SAMD4A: variants seen among roughly 807,000 people sequenced by gnomAD.
SAMD4A encodes sterile alpha motif domain containing 4A, also known as protein Smaug homolog 1.
Under a neutral mutation model 81.3 loss-of-function variants are expected in SAMD4A, and 33 were observed. The observed-to-expected ratio is 0.41, with a 90% CI of 0.31 to 0.54. The LOEUF is 0.54. Among genes scored for constraint, SAMD4A ranks in the 20% least tolerant of loss-of-function variants. The probability of loss-of-function intolerance (pLI) is 0.37; values close to 1 mark genes in which losing one functional copy is unlikely to be tolerated. For missense variants in SAMD4A, 854 were observed against 951.1 expected (o/e 0.90, Z 1.34); for synonymous variants, 389 against 382.1 (o/e 1.02, Z -0.21).
At chr14:54,681,173 C>A (rs1031615579) in intron 2 of SAMD4A, among the ~76,000 whole-genome samples, 1 of 147,736 alleles carries the variant, frequency 6.8e-6, no homozygotes, top group African/African-American at 2.5e-5. Flanking sequence ...AAAGACCCCC[C>A]CTCCAGCCCC....
intron 7 of SAMD4A, among the ~76,000 whole-genome samples, chr14:54,761,672 A>T (rs1300556038): frequency 6.6e-6 from 1 of 152,236 alleles, no homozygotes; most frequent in Non-Finnish European, 1.5e-5. Flanking sequence ...GCACTTGTGC[A>T]GTGCACAGCC....
chr14:54,601,330 G>A (rs1434056785), intron 2 of SAMD4A, among the ~76,000 whole-genome samples: 3 of 151,852 alleles, frequency 2.0e-5, no homozygotes, highest in Admixed American at 6.6e-5. Context: ...TCCTGCTCTT[G>A]TGATTATTTT....
At chr14:54,668,182 A>C (rs182531393) in intron 2 of SAMD4A, among the ~76,000 whole-genome samples, 1 of 152,310 alleles carries the variant, frequency 6.6e-6, no homozygotes, top group East Asian at 1.9e-4. Context: ...TCTGTGGCCT[A>C]GTTCCTACAT....
rs747879328 is a variant in SAMD4A at position 54,760,347 on chromosome 14, G to T, written c.1363G>T (p.Ala455Ser). 6.3e-7 allele frequency: 1 copy of T among 1,588,032 alleles called. No homozygotes were observed. Among genetic ancestry groups the T allele is most frequent in the Non-Finnish European group, 8.5e-7 (1 of 1,172,390 alleles). The change falls in exon 7 of 13, where the codon GCA (alanine) becomes TCA (serine). Residue 455 changes from alanine (A) to serine (S), a missense_variant. This residue lies in a region of SAMD4A where 428 missense variants were observed against 471.2 expected (regional missense o/e 0.91). Coordinates refer to ENST00000554335, the MANE Select transcript of SAMD4A (RefSeq NM_015589.6). ...SQSPDCKDGAAATGATATPSA... is the reference protein window; with the variant it reads ...SQSPDCKDGASATGATATPSA... ...GAGCCCCGACTGCAAAGATGGGGCC[G>T]CAGCCACTGGCGCCACGGCCACCCC...
intron 6 of SAMD4A, among the ~76,000 whole-genome samples, 198 bp from the exon 7 acceptor site, chr14:54,759,963 G>A (rs2139858004): frequency 6.6e-6 from 1 of 152,286 alleles, no homozygotes; most frequent in South Asian, 2.1e-4. Context: ...CGCTATACCT[G>A]TCTGTATTTT....
chr14:54,570,206 A>T (rs2033089257), intron 2 of SAMD4A, among the ~76,000 whole-genome samples: 1 of 152,204 alleles, frequency 6.6e-6, no homozygotes, highest in African/African-American at 2.4e-5. Context: ...GAAATTTCTT[A>T]GGAGGTCATG....
chr14:54,746,286 A>G (rs1400474505), intron 4 of SAMD4A, among the ~76,000 whole-genome samples: 1 of 152,186 alleles, frequency 6.6e-6, no homozygotes, highest in African/African-American at 2.4e-5. Context: ...CATGGCACTG[A>G]GATAGGACAA....
In SAMD4A at chr14:54,775,083, C is replaced by T. The variant is rs1297903114; in HGVS notation, c.1865C>T (p.Ser622Phe). The change falls in exon 10 of 13, where the codon TCC becomes TTC. Residue 622 changes from serine (S) to phenylalanine (F), a missense_variant. Ser to Phe is a radical substitution (Grantham distance 155, BLOSUM62 -2). Transcript: ENST00000554335. ...TTGGGCACCAGTGGATTCGTCAGCT[C>T]CAACCAGCGCAACACCACAGCTACC... ...GLLGTSGFVSSNQRNTTATPT... is the reference protein window; with the variant it reads ...GLLGTSGFVSFNQRNTTATPT... 6 of 1,614,058 alleles carry T rather than the reference C, an allele frequency of 3.7e-6. No homozygotes were observed. In the African/African-American group the frequency reaches 5.3e-5, roughly 14 times the overall value.
At chr14:54,714,416 A>G (rs1419637938) in intron 3 of SAMD4A, among the ~76,000 whole-genome samples, 1 of 152,146 alleles carries the variant, frequency 6.6e-6, no homozygotes, top group Non-Finnish European at 1.5e-5. Flanking sequence ...CTTGTGTGTC[A>G]TTGTTTCTGT....
chr14:54,634,285 C>T (rs886585325), intron 2 of SAMD4A, among the ~76,000 whole-genome samples: 8 of 34,556 alleles, frequency 2.3e-4, no homozygotes, highest in South Asian at 8.7e-4. Flanking sequence ...GACTCCATCT[C>T]GGGGGGGTGG....
chr14:54,684,843 T>A (rs1400842162), intron 2 of SAMD4A, among the ~76,000 whole-genome samples: 1 of 152,220 alleles, frequency 6.6e-6, no homozygotes, highest in Non-Finnish European at 1.5e-5. Flanking sequence ...TGTGCAGCGT[T>A]TGACTTGGGG....
At chr14:54,602,278 A>G (rs982848227) in intron 2 of SAMD4A, among the ~76,000 whole-genome samples, 11 of 151,114 alleles carry the variant, frequency 7.3e-5, no homozygotes, top group African/African-American at 2.7e-4. Context: ...CTTATTTTCA[A>G]CCCAGAATAA....
At chr14:54,578,485 C>G (rs531231762) in intron 2 of SAMD4A, among the ~76,000 whole-genome samples, 1 of 151,568 alleles carries the variant, frequency 6.6e-6, no homozygotes, top group Non-Finnish European at 1.5e-5. Context: ...CTGAAGCGGG[C>G]GGATCACTTG....
At chr14:54,574,390 T>G (rs557954868) in intron 2 of SAMD4A, among the ~76,000 whole-genome samples, 1 of 152,266 alleles carries the variant, frequency 6.6e-6, no homozygotes, top group South Asian at 2.1e-4. Flanking sequence ...TTAGGGCTTA[T>G]GAGATTCTTG....
intron 6 of SAMD4A, among the ~76,000 whole-genome samples, chr14:54,755,273 AG>A (rs1318395840): frequency 6.6e-6 from 1 of 152,162 alleles, no homozygotes; most frequent in Non-Finnish European, 1.5e-5. Context: ...CGGGAAATGT[AG>A]GTCCATGAGA....
chr14:54,728,104 G>A (rs1275219458), intron 3 of SAMD4A, among the ~76,000 whole-genome samples: 3 of 152,214 alleles, frequency 2.0e-5, no homozygotes, highest in Admixed American at 6.5e-5. Context: ...CCTCGAGCTT[G>A]CTGTGTCTCT....
At chr14:54,719,464 C>T (rs532524670) in intron 3 of SAMD4A, among the ~76,000 whole-genome samples, 4 of 152,232 alleles carry the variant, frequency 2.6e-5, no homozygotes, top group East Asian at 1.9e-4. Context: ...GCAATGGAGG[C>T]GGCCTGGTTT....
At chr14:54,724,048 G>GGAAGGAAGGAAGGAAT (rs1193163741) in intron 3 of SAMD4A, among the ~76,000 whole-genome samples, 172 of 151,044 alleles carry the variant, frequency 1.1e-3, no homozygotes, top group East Asian at 9.4e-3. Context: ...AAGGAAGGAA[G>GGAAGGAAGGAAGGAAT]GAATAATGCA....
intron 4 of SAMD4A, among the ~76,000 whole-genome samples, chr14:54,739,055 CTTTTTTTTTT>C (rs3051648): frequency 2.7e-4 from 26 of 97,354 alleles, no homozygotes; most frequent in African/African-American, 1.3e-3. Flanking sequence ...CTTTCCTTTT[CTTTTTTTTTT>C]TTTTTTTTTG....
Sources: gnomAD v4.1 joint callset for allele counts (sites outside exome capture counted in the v4.1 genomes callset) on GRCh38, gnomAD v4.1.1 for gene constraint, gnomAD v4.1.1 regional missense constraint, MANE v1.5 for transcripts, NCBI Gene and HGNC (gene_info 2026-07-23, HGNC 2026-07-21) for gene names.